Variants in DNAJC11 observed in about 807,000 individuals in gnomAD.
DNAJC11 encodes the protein dnaJ homolog subfamily C member 11.
A neutral mutation model predicts 78.6 loss-of-function variants in DNAJC11; 15 were observed. The ratio of observed to expected loss-of-function variants is 0.19; its 90% CI spans 0.13 to 0.29. DNAJC11 has a LOEUF of 0.29. Ranked by LOEUF, DNAJC11 falls within the 10% of genes least tolerant of loss-of-function variation. The pLI is 1.00. For missense variants in DNAJC11, 547 were observed against 709.6 expected (o/e 0.77, Z 2.60); for synonymous variants, 292 against 272.1 (o/e 1.07, Z -0.72).
chr1:6,651,173 G>A (rs1318476373), intron 7 of DNAJC11: 1 of 554,074 alleles, frequency 1.8e-6, no homozygotes, highest in East Asian at 5.0e-5. Flanking sequence ...GAGGCAGTCT[G>A]TCATTCTCTG....
chr1:6,689,790 T>C (rs1269326823), intron 1 of DNAJC11, among the ~76,000 whole-genome samples: 1 of 147,126 alleles, frequency 6.8e-6, no homozygotes, highest in Non-Finnish European at 1.5e-5. Flanking sequence ...AAAAAAAAAA[T>C]CCAAGGAGGT....
intron 1 of DNAJC11, among the ~76,000 whole-genome samples, chr1:6,685,736 T>C (rs1427625580): frequency 6.6e-6 from 1 of 152,228 alleles, no homozygotes; most frequent in Non-Finnish European, 1.5e-5. Flanking sequence ...CTTTGTTTTA[T>C]ACTGGAGGCT....
rs80011760 is a variant in DNAJC11, at chr1:6,643,100, C to T, written c.1097+1458G>A. Among the ~76,000 whole-genome samples the T allele has an allele frequency of 9.0e-3, 1,368 of 152,098 alleles. 18 individuals carry two copies. The highest frequency in any genetic ancestry group is 0.031 in the African/African-American group (1,289 of 41,478). ...GGGCAGGAGGGAACGGCCACCGCGA[C>T]AGCAGGTGCAGAGACCAAATGAGAT... On this transcript the variant is annotated intron_variant, in intron 10 of 15. Coordinates refer to ENST00000377577, the MANE Select transcript of DNAJC11 (RefSeq NM_018198.4).
At chr1:6,656,100 T>TAAAAAAAAAA (rs749444041) in intron 4 of DNAJC11, among the ~76,000 whole-genome samples, 1 of 88,884 alleles carries the variant, frequency 1.1e-5, no homozygotes, top group Non-Finnish European at 2.2e-5. Flanking sequence ...AGACTCCGTC[T>TAAAAAAAAAA]AAAAAAAAAA....
At position 6,701,776 on chromosome 1, in the gene DNAJC11, C is replaced by G. The variant is rs1642933846; in HGVS notation, c.25G>C (p.Glu9Gln). The change falls in exon 1 of 16, where the codon GAG becomes CAG. Residue 9 changes from glutamate (E) to glutamine (Q), a missense_variant. Physicochemically the swap from Glu to Gln is conservative, Grantham distance 29 (BLOSUM62 2). Coordinates refer to ENST00000377577, the MANE Select transcript of DNAJC11 (RefSeq NM_018198.4). The stretch of plus-strand genomic sequence containing the variant: ...GAGTAATAGTCTTCATTGTCCAGCT[C>G]CTCCTCGCTCAAGGCCGTCGCCATC... MATALSEE[E>Q]LDNEDYYSLL... 6.4e-7 allele frequency: 1 copy of G among 1,566,706 alleles called. No homozygotes were observed.
rs1056567520 is a variant in DNAJC11, at chr1:6,638,309, C to T, written c.1309G>A (p.Glu437Lys). Residue 437 changes from glutamate to lysine, a missense_variant, in exon 12 of 16, where the codon GAG (glutamate) becomes AAG (lysine). Coordinates refer to ENST00000377577, the MANE Select transcript of DNAJC11 (RefSeq NM_018198.4). ...GCAGCACTCACAGCGGACTCCGCCTCTTGCTTCTTCTGCAGCACATCGGTG... is the reference window on the plus strand; with the variant it reads ...GCAGCACTCACAGCGGACTCCGCCTTTTGCTTCTTCTGCAGCACATCGGTG... ...AATDVLQKKQ[E>K]AESAVRLMQE... is the part of the protein sequence containing the mutation. The T allele has an allele frequency of 2.5e-6, 4 of 1,613,486 alleles. No homozygotes were observed. Among genetic ancestry groups the T allele is most frequent in the Non-Finnish European group, 3.4e-6 (4 of 1,179,594 alleles).
At chr1:6,659,637 C>T (rs1642178487) in intron 4 of DNAJC11, among the ~76,000 whole-genome samples, 1 of 152,192 alleles carries the variant, frequency 6.6e-6, no homozygotes, top group Admixed American at 6.5e-5. Flanking sequence ...TGGCATGCAC[C>T]TGTAGTCCCA....
chr1:6,688,827 G>A (rs1316635681), intron 1 of DNAJC11, among the ~76,000 whole-genome samples: 2 of 152,168 alleles, frequency 1.3e-5, no homozygotes, highest in African/African-American at 4.8e-5. Context: ...GCATAAGAAG[G>A]CAGGAAGTAG....
At chr1:6,664,618 A>C (rs1188852124) in intron 4 of DNAJC11, among the ~76,000 whole-genome samples, 1 of 152,230 alleles carries the variant, frequency 6.6e-6, no homozygotes, top group Non-Finnish European at 1.5e-5. Context: ...GTGTTGAATG[A>C]AACACCACCA....
intron 10 of DNAJC11, among the ~76,000 whole-genome samples, chr1:6,641,035 ACTCTTCCAGAATAAAAG>A (rs923301359): frequency 8.6e-5 from 13 of 151,948 alleles, no homozygotes; most frequent in South Asian, 2.1e-4. Context: ...ACCTGATCAC[ACTCTTCCAGAATAAAAG>A]CTCTTCCAGA....
Position 6,653,842 on chromosome 1 carries a change from C to G in DNAJC11, c.507+69G>C, listed in dbSNP as rs1378913901. 6.4e-7 allele frequency: 1 copy of G among 1,573,408 alleles called. No homozygotes were observed. Among genetic ancestry groups the G allele is most frequent in the Non-Finnish European group, 8.7e-7 (1 of 1,150,656 alleles). On this transcript the variant is annotated intron_variant, in intron 5 of 15. Transcript: ENST00000377577. The surrounding 1 kb of genome is among the most constrained non-coding windows in gnomAD (Gnocchi z 4.5). ...AACCCTGGGCAGACTCTCATTCCAG[C>G]TGCTTGGTGTGCTGTGCCTCATTAA... is the stretch of plus-strand genomic sequence containing the variant.
rs555531976 is a variant in DNAJC11, at chr1:6,674,354, A to T, written c.276+4040T>A. Among the ~76,000 whole-genome samples the T allele has an allele frequency of 5.3e-5, 8 of 152,264 alleles. No homozygotes were observed. In the South Asian group the frequency reaches 1.7e-3, roughly 32 times the overall value. On this transcript the variant is annotated intron_variant, in intron 3 of 15. Transcript: ENST00000377577. ...GGCAGGAGGATCATCTGAGGTCAGGAGTTCGAGACCAGCTTGGCCAACATG... is the reference window on the plus strand; with the variant it reads ...GGCAGGAGGATCATCTGAGGTCAGGTGTTCGAGACCAGCTTGGCCAACATG...
At position 6,635,635 on chromosome 1, in the gene DNAJC11, A is replaced by T; in HGVS notation, c.*40T>A. On this transcript the variant is annotated 3_prime_UTR_variant, in exon 16 of 16. Transcript: ENST00000377577. ...TCCAAATTTGTAGACTCCCAGGAAA[A>T]GATTTTTTGCGGCCTTTTAAAAATC... is the stretch of plus-strand genomic sequence containing the variant. 3 of 1,611,420 alleles carry T rather than the reference A, an allele frequency of 1.9e-6. No homozygotes were observed. The highest frequency in any genetic ancestry group is 2.5e-6 in the Non-Finnish European group (3 of 1,178,560).
Position 6,645,220 on chromosome 1 carries a change from T to A in DNAJC11, c.895-94A>T. On this transcript the variant is annotated intron_variant, in intron 8 of 15. Transcript: ENST00000377577. The surrounding 1 kb of genome is among the most constrained non-coding windows in gnomAD (Gnocchi z 4.1). ...CCTCCCACTAGCTCTGGGCATCTGCTGCACACAGGCCTTTAAGGCAGGGGT... is the reference window on the plus strand; with the variant it reads ...CCTCCCACTAGCTCTGGGCATCTGCAGCACACAGGCCTTTAAGGCAGGGGT... 1.0e-6 allele frequency: 1 copy of A among 972,408 alleles called. No individual in the cohort carries two copies. Among genetic ancestry groups the A allele is most frequent in the Non-Finnish European group, 1.6e-6 (1 of 608,498 alleles). 60.2% of individuals were successfully genotyped at this position (972,408 alleles called of 1,614,324 possible).
chr1:6,691,187 T>TG (rs1491542751), intron 1 of DNAJC11, among the ~76,000 whole-genome samples: 934 of 82,452 alleles, frequency 0.011, 12 homozygotes, highest in African/African-American at 0.037. Flanking sequence ...TCCCAAAGAC[T>TG]GAAAAAAAAA....
intron 1 of DNAJC11, among the ~76,000 whole-genome samples, chr1:6,695,686 T>G (rs1317049002): frequency 7.0e-6 from 1 of 142,396 alleles, no homozygotes; most frequent in East Asian, 2.1e-4. Flanking sequence ...TGTGTGCCTG[T>G]AATCCCAGCT....
chr1:6,641,428 CACACAA>C (rs1362257950), intron 10 of DNAJC11, among the ~76,000 whole-genome samples: 8 of 148,854 alleles, frequency 5.4e-5, no homozygotes, highest in Non-Finnish European at 1.2e-4. Context: ...CACACACACA[CACACAA>C]ACAGAGACAG....
chr1:6,692,627 T>TTTTTTA (rs1642763414), intron 1 of DNAJC11, among the ~76,000 whole-genome samples: 1 of 150,726 alleles, frequency 6.6e-6, no homozygotes, highest in Non-Finnish European at 1.5e-5. Context: ...TTTTTTTTTT[T>TTTTTTA]GAGATGGAGT....
chr1:6,695,721 T>A (rs556506512), intron 1 of DNAJC11, among the ~76,000 whole-genome samples: 3 of 148,966 alleles, frequency 2.0e-5, no homozygotes, highest in Non-Finnish European at 1.5e-5. Flanking sequence ...GGCAGGAGAA[T>A]TGCATGAACC....
Sources: allele counts gnomAD v4.1 joint callset (sites outside exome capture counted in the v4.1 genomes callset), GRCh38; gene constraint gnomAD v4.1.1; non-coding constraint Gnocchi (gnomAD v3.1); transcripts MANE v1.5; gene names NCBI Gene and HGNC (gene_info 2026-07-23, HGNC 2026-07-21).